Variants in RALGPS2 observed in about 807,000 individuals in gnomAD.
The protein encoded by RALGPS2 is ras-specific guanine nucleotide-releasing factor RalGPS2.
RALGPS2 carries 43 observed loss-of-function variants against 86.8 expected under a neutral mutation model. That is an observed-to-expected ratio of 0.50 (90% confidence interval 0.39 to 0.64). The LOEUF (loss-of-function observed/expected upper bound fraction) is 0.64. Ranked by LOEUF, RALGPS2 falls within the 30% of genes least tolerant of loss-of-function variation. The pLI, the probability that RALGPS2 is intolerant of heterozygous loss-of-function variation, is 0.00. For synonymous variants in RALGPS2, 243 were observed against 231.3 expected, an observed-to-expected ratio of 1.05 and a Z score of -0.46; for missense variants, 536 against 694.6, an observed-to-expected ratio of 0.77 and a Z score of 2.57.
At chr1:178,887,707 AGTT>A (rs1490017559) in intron 13 of RALGPS2, among the ~76,000 whole-genome samples, 6 of 152,178 alleles carry the variant, frequency 3.9e-5, no homozygotes, top group African/African-American at 9.6e-5. Flanking sequence ...ACCATTCAGT[AGTT>A]GTTTATTCTG....
chr1:178,841,069 G>C (rs1209132538), intron 8 of RALGPS2, among the ~76,000 whole-genome samples: 1 of 152,180 alleles, frequency 6.6e-6, no homozygotes, highest in Non-Finnish European at 1.5e-5. Flanking sequence ...TCTACCAGAG[G>C]TACAAGGAGT....
intron 1 of RALGPS2, among the ~76,000 whole-genome samples, chr1:178,760,864 A>G (rs1652203496): frequency 6.7e-6 from 1 of 150,022 alleles, no homozygotes; most frequent in African/African-American, 2.5e-5. Context: ...TTCTTGAATT[A>G]TTTTCTCAAA....
In RALGPS2 at chr1:178,833,519, C is replaced by A; in HGVS notation, c.576C>A (p.Ser192Arg). 1 of 1,530,576 alleles carries A rather than the reference C, an allele frequency of 6.5e-7. No individual in the cohort carries two copies. The highest frequency in any genetic ancestry group is 2.6e-5 in the East Asian group (1 of 38,246). The allele number at this position is 1,530,576 out of a possible 1,614,324, so 94.8% of individuals were successfully genotyped here. Residue 192 changes from serine to arginine, a missense_variant, in exon 8 of 20, where the codon AGC becomes AGA. Around this residue, in one of 3 missense-constraint regions of RALGPS2, gnomAD observed 184 missense variants for 296.7 expected, o/e 0.62. Coordinates refer to ENST00000367635, the MANE Select transcript of RALGPS2 (RefSeq NM_152663.5). ...NYKRLRDYIS[S>R]LKMTPCIPYL... ...AAAGACTCAGAGACTATATAAGTAG[C>A]TTAAAGATGACACCTTGCATTCCCT...
intron 1 of RALGPS2, among the ~76,000 whole-genome samples, chr1:178,738,962 T>C (rs758158891): frequency 6.6e-5 from 10 of 152,226 alleles, no homozygotes; most frequent in Non-Finnish European, 1.2e-4. Flanking sequence ...TTTTTTTGCC[T>C]TCTGGAATTA....
chr1:178,783,811 C>A (rs537860165), intron 2 of RALGPS2, among the ~76,000 whole-genome samples: 31 of 152,194 alleles, frequency 2.0e-4, no homozygotes, highest in African/African-American at 7.5e-4. Context: ...ATAAGATTTT[C>A]AGGGCCAAAA....
chr1:178,800,180 A>G (rs951240428), intron 4 of RALGPS2, among the ~76,000 whole-genome samples: 4 of 152,354 alleles, frequency 2.6e-5, no homozygotes, highest in African/African-American at 4.8e-5. Context: ...GACATTAGAC[A>G]GTCCAGCAGA....
rs1216864693 is a variant in RALGPS2 at position 178,885,881 on chromosome 1, A to G, written c.1041-88A>G. On this transcript the variant is annotated intron_variant, in intron 12 of 19. Transcript: ENST00000367635. The stretch of plus-strand genomic sequence containing the variant: ...AGATCTGAGTATGACAGTTAGGTAA[A>G]TCTTTTATGTCCTAAATCTTTATAT... The G allele has an allele frequency of 4.3e-6, 5 of 1,166,802 alleles. No individual in the cohort carries two copies. In the African/African-American group the frequency reaches 4.8e-5, roughly 11 times the overall value. The allele number at this position is 1,166,802 out of a possible 1,614,324, so 72.3% of individuals were successfully genotyped here.
chr1:178,884,474 T>TAAA (rs36084945), intron 11 of RALGPS2, among the ~76,000 whole-genome samples: 6,053 of 151,946 alleles, frequency 0.04, 166 homozygotes, highest in African/African-American at 0.068. Flanking sequence ...TGATAAGATG[T>TAAA]GAAGTGGAGA....
chr1:178,728,349 A>C (rs936867385), intron 1 of RALGPS2, among the ~76,000 whole-genome samples: 1 of 150,714 alleles, frequency 6.6e-6, no homozygotes, highest in Non-Finnish European at 1.5e-5. Flanking sequence ...TATTGAATCA[A>C]ATTTGTTTTC....
rs568599610 is a variant in RALGPS2 at position 178,747,706 on chromosome 1, G to A, written c.-84+22287G>A. 96 of 1,395,520 alleles carry A rather than the reference G, an allele frequency of 6.9e-5. No individual in the cohort carries two copies. The African/African-American group carries it at 1.1e-3, about 17-fold the overall frequency. The allele number at this position is 1,395,520 out of a possible 1,614,324, so 86.4% of individuals were successfully genotyped here. On this transcript the variant is annotated intron_variant, in intron 1 of 19. Transcript: ENST00000367635. ...ATCATCAAGTACAGCAGCTGCCAGC[G>A]ATGCTGAGCATCCAACTCCTTGAAC...
At chr1:178,862,035 A>G (rs547052496) in intron 8 of RALGPS2, among the ~76,000 whole-genome samples, 2 of 151,826 alleles carry the variant, frequency 1.3e-5, no homozygotes, top group East Asian at 1.9e-4. Context: ...ACCATGCCCA[A>G]TACTTTTTTG....
chr1:178,788,301 A>T (rs773237668), intron 4 of RALGPS2, among the ~76,000 whole-genome samples: 1 of 152,202 alleles, frequency 6.6e-6, no homozygotes, highest in Non-Finnish European at 1.5e-5. Flanking sequence ...TGCCTATTGT[A>T]TGCCTATTTT....
intron 1 of RALGPS2, among the ~76,000 whole-genome samples, chr1:178,740,692 T>C (rs780768535): frequency 1.3e-5 from 2 of 152,162 alleles, no homozygotes; most frequent in Non-Finnish European, 2.9e-5. Context: ...GTATGGAACA[T>C]GAGAGTGAAG....
chr1:178,782,888 A>T (rs1157895598), intron 2 of RALGPS2, among the ~76,000 whole-genome samples: 1 of 152,176 alleles, frequency 6.6e-6, no homozygotes, highest in African/African-American at 2.4e-5. Flanking sequence ...ATAAACCCTT[A>T]CAGTAAAGGC....
chr1:178,784,536 CT>C lies in RALGPS2; in HGVS notation c.162+15del. The C allele has an allele frequency of 6.5e-7, 1 of 1,542,094 alleles. No homozygotes were observed. The highest frequency in any genetic ancestry group is 8.8e-7 in the Non-Finnish European group (1 of 1,130,472). On this transcript the variant is annotated intron_variant, in intron 3 of 19. Coordinates refer to ENST00000367635, the MANE Select transcript of RALGPS2 (RefSeq NM_152663.5). ...GAAGAATATGCGGTAAGCCTCCTAC[CT>C]CTGTCTTCTCCGGTTTTGCACATAA...
At chr1:178,819,883 A>T (rs947573857) in intron 6 of RALGPS2, among the ~76,000 whole-genome samples, 42 of 152,102 alleles carry the variant, frequency 2.8e-4, no homozygotes, top group Admixed American at 2.8e-3. Context: ...CCCTTCCTGT[A>T]TGCCACCTTC....
intron 1 of RALGPS2, chr1:178,747,140 A>G (rs897395597): frequency 1.3e-5 from 13 of 999,128 alleles, no homozygotes; most frequent in African/African-American, 9.6e-5. Flanking sequence ...TCCTTTTTCC[A>G]TCAAAACAAG....
chr1:178,844,864 A>G (rs1333344920), intron 8 of RALGPS2, among the ~76,000 whole-genome samples: 1 of 152,148 alleles, frequency 6.6e-6, no homozygotes, highest in Non-Finnish European at 1.5e-5. Context: ...ATGTACTACA[A>G]AGATGCAGTA....
intron 1 of RALGPS2, among the ~76,000 whole-genome samples, chr1:178,741,838 AT>A (rs1164282117): frequency 2.0e-5 from 3 of 152,170 alleles, no homozygotes; most frequent in Non-Finnish European, 4.4e-5. Flanking sequence ...ACCTAAACAC[AT>A]TTAAGAAGCA....
Sources: gnomAD v4.1 joint callset for allele counts (sites outside exome capture counted in the v4.1 genomes callset) on GRCh38, gnomAD v4.1.1 for gene constraint, gnomAD v4.1.1 regional missense constraint, MANE v1.5 for transcripts, NCBI Gene and HGNC (gene_info 2026-07-23, HGNC 2026-07-21) for gene names.